The following ERCC6L2 variants were observed in gnomAD, a reference collection of about 807,000 sequenced individuals.
The protein encoded by ERCC6L2 is ERCC excision repair 6 like 2, also known as DNA excision repair protein ERCC-6-like 2.
In ERCC6L2, 77 loss-of-function variants were observed where a neutral mutation model predicts 132.0. The observed-to-expected ratio is 0.58, with a 90% CI of 0.49 to 0.71. ERCC6L2 has a LOEUF of 0.71. Among genes scored for constraint, ERCC6L2 ranks in the 30% least tolerant of loss-of-function variants. ERCC6L2 has a pLI of 0.00. For synonymous variants in ERCC6L2, 583 were observed against 632.4 expected, an observed-to-expected ratio of 0.92 and a Z score of 1.17; for missense variants, 1,542 against 1,837.6, an observed-to-expected ratio of 0.84 and a Z score of 2.94.
chr9:95,963,944 C>T (rs1832033748), intron 13 of ERCC6L2, among the ~76,000 whole-genome samples: 1 of 152,104 alleles, frequency 6.6e-6, no homozygotes, highest in Non-Finnish European at 1.5e-5. Context: ...GATCGCAGGT[C>T]AAGTTTGTGT....
intron 1 of ERCC6L2, among the ~76,000 whole-genome samples, chr9:95,880,158 T>C (rs1827512993): frequency 6.6e-6 from 1 of 152,088 alleles, no homozygotes; most frequent in South Asian, 2.1e-4. Context: ...TCTCTTAAAG[T>C]AAATATTCAA....
At chr9:95,960,839 G>C (rs1217518029) in intron 13 of ERCC6L2, among the ~76,000 whole-genome samples, 1 of 152,064 alleles carries the variant, frequency 6.6e-6, no homozygotes, top group African/African-American at 2.4e-5. Flanking sequence ...GTTTCACTCT[G>C]TTGCCCAGGC....
chr9:95,936,299 A>G (rs1438250300), intron 11 of ERCC6L2, among the ~76,000 whole-genome samples: 1 of 152,114 alleles, frequency 6.6e-6, no homozygotes, highest in Non-Finnish European at 1.5e-5. Context: ...GGGTCCAGGG[A>G]AGTATTAGAT....
At chr9:95,943,566 G>A (rs79533300) in intron 12 of ERCC6L2, among the ~76,000 whole-genome samples, 4,044 of 152,130 alleles carry the variant, frequency 0.027, 200 homozygotes, top group African/African-American at 0.093. Context: ...GAGAAAAAAG[G>A]CAGTCTACAG....
chr9:96,009,564 A>G (rs1310716552), intron 18 of ERCC6L2, among the ~76,000 whole-genome samples: 3 of 152,206 alleles, frequency 2.0e-5, no homozygotes, highest in African/African-American at 7.2e-5. Flanking sequence ...ACTTGCTGAA[A>G]GATACATATC....
intron 12 of ERCC6L2, among the ~76,000 whole-genome samples, chr9:95,944,321 G>T (rs1287213940): frequency 2.0e-5 from 3 of 152,180 alleles, no homozygotes; most frequent in Non-Finnish European, 4.4e-5. Flanking sequence ...ACCTGGAATA[G>T]TCAAATCCAT....
intron 4 of ERCC6L2, 139 bp from the exon 5 acceptor site, chr9:95,915,529 A>C: frequency 1.2e-6 from 1 of 814,488 alleles, no homozygotes; most frequent in Non-Finnish European, 1.9e-6. Flanking sequence ...CTAAGTGGGT[A>C]AGAATCCAAT....
At chr9:96,038,080 C>T (rs1030104042) in intron 19 of ERCC6L2, among the ~76,000 whole-genome samples, 5 of 151,910 alleles carry the variant, frequency 3.3e-5, no homozygotes, top group Non-Finnish European at 7.4e-5. Context: ...TCTAGAAGTT[C>T]TGCTGCAGAG....
At chr9:96,036,770 T>A (rs1488086005) in intron 19 of ERCC6L2, among the ~76,000 whole-genome samples, 1 of 116,626 alleles carries the variant, frequency 8.6e-6, no homozygotes, top group Non-Finnish European at 1.9e-5. Context: ...ATTATTTTTA[T>A]TTATTTTTTT....
At chr9:95,966,914 C>A in intron 14 of ERCC6L2, 200 bp downstream of exon 14, 1 of 383,058 alleles carries the variant, frequency 2.6e-6, no homozygotes, top group Non-Finnish European at 4.6e-6. Flanking sequence ...TGCATAATTA[C>A]AAATAATGCA....
chr9:95,916,890 G>A (rs915730319), intron 6 of ERCC6L2, among the ~76,000 whole-genome samples: 14 of 152,020 alleles, frequency 9.2e-5, no homozygotes, highest in African/African-American at 3.4e-4. Flanking sequence ...TCGCCATGTT[G>A]TCTAGGCTGG....
At chr9:95,995,177 T>G (rs1833431973) in intron 17 of ERCC6L2, among the ~76,000 whole-genome samples, 1 of 152,256 alleles carries the variant, frequency 6.6e-6, no homozygotes, top group South Asian at 2.1e-4. Flanking sequence ...GAGTTGATTT[T>G]GTTTTTACTT....
intron 18 of ERCC6L2, among the ~76,000 whole-genome samples, chr9:96,006,453 G>A (rs1005405119): frequency 6.6e-6 from 1 of 152,222 alleles, no homozygotes; most frequent in African/African-American, 2.4e-5. Flanking sequence ...TCAGGCCCTG[G>A]CGGGAGGTGG....
chr9:95,986,789 G>C (rs1833113880), intron 17 of ERCC6L2, among the ~76,000 whole-genome samples: 1 of 152,062 alleles, frequency 6.6e-6, no homozygotes, highest in South Asian at 2.1e-4. Flanking sequence ...AAGCCACCAT[G>C]CCCAGCCTTA....
intron 17 of ERCC6L2, among the ~76,000 whole-genome samples, chr9:95,984,325 G>GTA (rs746750743): frequency 2.5e-4 from 37 of 149,374 alleles, no homozygotes; most frequent in South Asian, 4.2e-4. Context: ...TATTATATGT[G>GTA]TATATATATA....
At chr9:95,976,884 TTG>T (rs1414091462) in intron 16 of ERCC6L2, among the ~76,000 whole-genome samples, 1 of 152,174 alleles carries the variant, frequency 6.6e-6, no homozygotes, top group Admixed American at 6.5e-5. Context: ...ATCTTAATTT[TTG>T]TGTTTGATTA....
rs1401078857 is a variant in ERCC6L2 at position 95,921,232 on chromosome 9, A to G, written c.1216A>G (p.Thr406Ala). 6.2e-7 allele frequency: 1 copy of G among 1,613,494 alleles called. No individual in the cohort carries two copies. Among genetic ancestry groups the G allele is most frequent in the Non-Finnish European group, 8.5e-7 (1 of 1,179,538 alleles). The stretch of plus-strand genomic sequence containing the variant: ...AGCTGTCTATCAAACAGTGTTAGAA[A>G]CAGAGGACGTGACTTTGATACTTCA... ...QKAVYQTVLETEDVTLILQSS... is the reference protein window; with the variant it reads ...QKAVYQTVLEAEDVTLILQSS... The change falls in exon 7 of 19, where the codon ACA (threonine) becomes GCA (alanine). Residue 406 changes from threonine (T) to alanine (A), a missense_variant. Physicochemically the swap from Thr to Ala is moderately conservative, Grantham distance 58. Coordinates refer to ENST00000653738, the MANE Select transcript of ERCC6L2 (RefSeq NM_020207.7).
chr9:95,903,037 C>G (rs1168970154), intron 3 of ERCC6L2, among the ~76,000 whole-genome samples: 1 of 151,848 alleles, frequency 6.6e-6, no homozygotes, highest in Non-Finnish European at 1.5e-5. Flanking sequence ...CCTAGAAAAG[C>G]CTTTTGTACT....
At chr9:95,900,196 A>G (rs1387448568) in intron 3 of ERCC6L2, among the ~76,000 whole-genome samples, 1 of 152,134 alleles carries the variant, frequency 6.6e-6, no homozygotes, top group Non-Finnish European at 1.5e-5. Context: ...CCTGCGCACC[A>G]TAAGAATACC....
Sources: allele counts gnomAD v4.1 joint callset (sites outside exome capture counted in the v4.1 genomes callset), GRCh38; gene constraint gnomAD v4.1.1; transcripts MANE v1.5; gene names NCBI Gene and HGNC (gene_info 2026-07-23, HGNC 2026-07-21).